Variants in TUBD1 observed in about 807,000 individuals in gnomAD.
The protein encoded by TUBD1 is tubulin delta chain.
TUBD1 carries 38 observed loss-of-function variants against 51.2 expected under a neutral mutation model. The observed-to-expected ratio is 0.74, with a 90% CI of 0.57 to 0.97. TUBD1 has a LOEUF of 0.97. TUBD1 is among the 50% of genes least tolerant of loss of function. TUBD1 has a pLI of 0.00. For synonymous variants in TUBD1, 169 were observed against 178.2 expected (o/e 0.95, Z 0.41); for missense variants, 489 against 538.4 (o/e 0.91, Z 0.91).
In TUBD1 at chr17:59,874,535, T is replaced by G; in HGVS notation, c.934+4A>C. On this transcript the variant is annotated splice_donor_region_variant and intron_variant, in intron 6 of 8. Transcript: ENST00000325752. ...GGGCTGCATATTTTTGGACTACTCT[T>G]TACCTTCTTCCATCTTTGCATTAGA... is the stretch of plus-strand genomic sequence containing the variant. 1 of 1,610,496 alleles carries G rather than the reference T, an allele frequency of 6.2e-7. No individual in the cohort carries two copies. Among genetic ancestry groups the G allele is most frequent in the Non-Finnish European group, 8.5e-7 (1 of 1,179,304 alleles).
At chr17:59,885,709 A>T (rs750112766) in intron 3 of TUBD1, among the ~76,000 whole-genome samples, 1 of 152,220 alleles carries the variant, frequency 6.6e-6, no homozygotes, top group Non-Finnish European at 1.5e-5. Flanking sequence ...AGCCCTAGGC[A>T]TCAGGACTTT....
chr17:59,882,568 T>C (rs2040537036), intron 3 of TUBD1, among the ~76,000 whole-genome samples: 1 of 151,914 alleles, frequency 6.6e-6, no homozygotes, highest in South Asian at 2.1e-4. Context: ...ATTACAGGTA[T>C]TAGCCACGGC....
intron 1 of TUBD1, chr17:59,891,858 G>A (rs1043833077): frequency 6.6e-6 from 1 of 151,900 alleles, no homozygotes; most frequent in Non-Finnish European, 1.5e-5. Context: ...CCAGCTACTC[G>A]GGAGGCTGAG....
In TUBD1 at chr17:59,866,959, AT is replaced by A. The variant is rs368258169; in HGVS notation, c.935-211del. Among the ~76,000 whole-genome samples the A allele has an allele frequency of 4.3e-4, 65 of 151,926 alleles. 1 individual carries two copies. Among genetic ancestry groups the A allele is most frequent in the African/African-American group, 1.6e-3 (65 of 41,454 alleles). On this transcript the variant is annotated intron_variant, in intron 6 of 8. Coordinates refer to ENST00000325752, the MANE Select transcript of TUBD1 (RefSeq NM_016261.4). Reference sequence around the variant, plus strand: ...AGGTGTGTGCCATCACGCCCAGCTAATTTTTTTGTATTTTTAGTAGAGACGG... The same window carrying A: ...AGGTGTGTGCCATCACGCCCAGCTAATTTTTTGTATTTTTAGTAGAGACGG...
At chr17:59,865,154 G>A (rs1314111028) in intron 7 of TUBD1, among the ~76,000 whole-genome samples, 1 of 152,100 alleles carries the variant, frequency 6.6e-6, no homozygotes, top group Admixed American at 6.6e-5. Context: ...CACTGTGCTG[G>A]GCCTTGGTTT....
chr17:59,867,759 TG>T (rs1451524157), intron 6 of TUBD1, among the ~76,000 whole-genome samples: 1 of 151,992 alleles, frequency 6.6e-6, no homozygotes, highest in African/African-American at 2.4e-5. Context: ...ATGTAACTTT[TG>T]GGGGCTTTGG....
Position 59,860,313 on chromosome 17 carries a change from T to C in TUBD1, c.*9A>G. 6.4e-7 allele frequency: 1 copy of C among 1,570,006 alleles called. No homozygotes were observed. Among genetic ancestry groups the C allele is most frequent in the Non-Finnish European group, 8.7e-7 (1 of 1,147,088 alleles). On this transcript the variant is annotated 3_prime_UTR_variant, in exon 9 of 9. Coordinates refer to ENST00000325752, the MANE Select transcript of TUBD1 (RefSeq NM_016261.4). Reference sequence around the variant, plus strand: ...ATGCCTTAAGGTATACTTTTCCCATTGTTCAAGATCAGAGATTACAGTAAC... The same window carrying C: ...ATGCCTTAAGGTATACTTTTCCCATCGTTCAAGATCAGAGATTACAGTAAC...
chr17:59,865,973 T>C (rs995107763), intron 7 of TUBD1, among the ~76,000 whole-genome samples: 6 of 151,786 alleles, frequency 4.0e-5, no homozygotes, highest in African/African-American at 1.2e-4. Context: ...TAGCCAAGCA[T>C]GCTGGCATCT....
rs925844023 is a variant in TUBD1, at chr17:59,869,688, T to C, written c.935-2939A>G. On this transcript the variant is annotated intron_variant, in intron 6 of 8. Transcript: ENST00000325752. ...AAATTCAGGAAGCACTATTTTTACA[T>C]GTAAACTTTCTACTTATCTCCAAAC... Among the ~76,000 whole-genome samples the C allele has an allele frequency of 5.9e-5, 9 of 152,150 alleles. 1 individual carries two copies. The highest frequency in any genetic ancestry group is 5.9e-4 in the Admixed American group (9 of 15,256).
intron 6 of TUBD1, among the ~76,000 whole-genome samples, chr17:59,872,070 C>T (rs1380652616): frequency 6.6e-6 from 1 of 152,096 alleles, no homozygotes; most frequent in East Asian, 1.9e-4. Context: ...TCTCCTGCCT[C>T]AGCCTCTTGG....
chr17:59,860,487 CTT>C (rs2039389595), intron 8 of TUBD1, 63 bp from the exon 9 acceptor site: 3 of 1,047,002 alleles, frequency 2.9e-6, no homozygotes, highest in Non-Finnish European at 4.3e-6. Flanking sequence ...ATGAGTAACT[CTT>C]AAACAATAAA....
intron 6 of TUBD1, among the ~76,000 whole-genome samples, chr17:59,868,108 CAA>C (rs35401242): frequency 1.1e-4 from 3 of 26,802 alleles, no homozygotes; most frequent in Admixed American, 5.6e-4. Flanking sequence ...ACTAAAAATA[CAA>C]AAAAAAAAAA....
At chr17:59,869,568 G>C (rs757554804) in intron 6 of TUBD1, among the ~76,000 whole-genome samples, 1 of 151,998 alleles carries the variant, frequency 6.6e-6, no homozygotes, top group Non-Finnish European at 1.5e-5. Context: ...TGACCTAAGA[G>C]AGCTCAGAGC....
intron 8 of TUBD1, among the ~76,000 whole-genome samples, chr17:59,862,484 C>G (rs1030191734): frequency 2.0e-5 from 3 of 151,926 alleles, no homozygotes; most frequent in Non-Finnish European, 4.4e-5. Context: ...TAATCATAAT[C>G]TTATTGAGGA....
intron 7 of TUBD1, among the ~76,000 whole-genome samples, chr17:59,864,712 GGT>G (rs1483372478): frequency 1.3e-5 from 2 of 151,990 alleles, no homozygotes; most frequent in Non-Finnish European, 2.9e-5. Flanking sequence ...TGCCCGAGCT[GGT>G]CTCAAATTTC....
At chr17:59,890,261 T>G (rs2040936868) in intron 2 of TUBD1, among the ~76,000 whole-genome samples, 1 of 152,122 alleles carries the variant, frequency 6.6e-6, no homozygotes, top group Admixed American at 6.6e-5. Context: ...TTATTTTTTT[T>G]GGAGATGGAG....
At chr17:59,878,881 CCAT>C (rs1436882300) in intron 4 of TUBD1, 1 of 152,744 alleles carries the variant, frequency 6.5e-6, no homozygotes, top group Admixed American at 6.5e-5. Context: ...CAAAAATTGG[CCAT>C]TATTATCATA....
At chr17:59,870,584 G>T (rs890258964) in intron 6 of TUBD1, among the ~76,000 whole-genome samples, 1 of 152,052 alleles carries the variant, frequency 6.6e-6, no homozygotes, top group African/African-American at 2.4e-5. Context: ...GCCCTGTAGA[G>T]AACCTTTGGA....
intron 6 of TUBD1, among the ~76,000 whole-genome samples, chr17:59,869,249 G>C (rs2039866633): frequency 6.6e-6 from 1 of 151,648 alleles, no homozygotes; most frequent in Non-Finnish European, 1.5e-5. Flanking sequence ...GCCAAGGCGG[G>C]CAAATCACAA....
Sources: allele counts gnomAD v4.1 joint callset (sites outside exome capture counted in the v4.1 genomes callset), GRCh38; gene constraint gnomAD v4.1.1; transcripts MANE v1.5; gene names NCBI Gene and HGNC (gene_info 2026-07-23, HGNC 2026-07-21).